The following SHISA9 variants were observed in gnomAD, a reference collection of about 807,000 sequenced individuals.
SHISA9 encodes the protein shisa family member 9, also known as protein shisa-9.
A neutral mutation model predicts 38.0 loss-of-function variants in SHISA9; 13 were observed. That is an observed-to-expected ratio of 0.34 (90% CI 0.22 to 0.54). The LOEUF (loss-of-function observed/expected upper bound fraction) is 0.54. Ranked by LOEUF, SHISA9 falls within the 20% of genes least tolerant of loss-of-function variation. The pLI is 0.91. For synonymous variants in SHISA9, 275 were observed against 242.0 expected (o/e 1.14, Z -1.27); for missense variants, 538 against 575.8 (o/e 0.93, Z 0.67).
chr16:12,934,899 G>T (rs765630061), intron 2 of SHISA9, among the ~76,000 whole-genome samples: 1 of 152,134 alleles, frequency 6.6e-6, no homozygotes, highest in Non-Finnish European at 1.5e-5. Flanking sequence ...GAAGAATATG[G>T]GTTGGCTCAT....
the SHISA9 span, among the ~76,000 whole-genome samples, chr16:13,543,663 G>A: frequency 3.3e-5 from 5 of 152,100 alleles, no homozygotes; most frequent in Admixed American, 6.5e-5. Context: ...CACCAGGGCC[G>A]CAGAAGCCCA....
chr16:12,971,763 G>C (rs189582178), intron 2 of SHISA9, among the ~76,000 whole-genome samples: 21 of 152,266 alleles, frequency 1.4e-4, no homozygotes, highest in African/African-American at 2.4e-5. Flanking sequence ...AGCAGCCAAA[G>C]TAAGGAAAAT....
intron 2 of SHISA9, among the ~76,000 whole-genome samples, chr16:13,005,427 G>A (rs1048229582): frequency 1.4e-4 from 21 of 152,130 alleles, no homozygotes; most frequent in Non-Finnish European, 2.9e-4. Flanking sequence ...AATACCGTAG[G>A]GATGCATGCT....
At chr16:13,316,738 C>CAAT in the SHISA9 span, among the ~76,000 whole-genome samples, 1 of 152,100 alleles carries the variant, frequency 6.6e-6, no homozygotes, top group Non-Finnish European at 1.5e-5. Flanking sequence ...AAGAGTAATT[C>CAAT]AATATAGTGT....
chr16:13,122,609 A>G (rs1327712115), intron 2 of SHISA9, among the ~76,000 whole-genome samples: 1 of 152,236 alleles, frequency 6.6e-6, no homozygotes, highest in African/African-American at 2.4e-5. Context: ...ACAGGCAAGC[A>G]TAATTATTGG....
At chr16:13,221,523 G>A (rs1158666201) in intron 4 of SHISA9, among the ~76,000 whole-genome samples, 6 of 150,236 alleles carry the variant, frequency 4.0e-5, no homozygotes, top group African/African-American at 1.2e-4. Flanking sequence ...AGCAGAGACC[G>A]AGAAAACGGT....
intron 2 of SHISA9, among the ~76,000 whole-genome samples, chr16:12,959,244 G>C (rs561536443): frequency 6.6e-6 from 1 of 152,338 alleles, no homozygotes; most frequent in South Asian, 2.1e-4. Context: ...AAAAAGGAAT[G>C]GAATGCAAGA....
intron 2 of SHISA9, among the ~76,000 whole-genome samples, chr16:12,993,255 G>T (rs1374404264): frequency 2.0e-5 from 3 of 152,132 alleles, no homozygotes; most frequent in Non-Finnish European, 4.4e-5. Context: ...GGGTTTGGTT[G>T]TAAAGAACAG....
the SHISA9 span, among the ~76,000 whole-genome samples, chr16:13,448,194 G>A: frequency 2.4e-4 from 37 of 152,280 alleles, no homozygotes; most frequent in African/African-American, 8.7e-4. Context: ...ATTTTCATTG[G>A]AGTGCTTTCC....
At chr16:13,338,543 G>A in the SHISA9 span, among the ~76,000 whole-genome samples, 1 of 152,140 alleles carries the variant, frequency 6.6e-6, no homozygotes, top group Non-Finnish European at 1.5e-5. Flanking sequence ...AGCCAGTGAA[G>A]GGTTTGGGAG....
chr16:13,180,855 T>C (rs1174191202), intron 2 of SHISA9, among the ~76,000 whole-genome samples: 1 of 152,168 alleles, frequency 6.6e-6, no homozygotes, highest in East Asian at 1.9e-4. Context: ...TGGGGGACAG[T>C]CTCCTTTCCA....
intron 2 of SHISA9, among the ~76,000 whole-genome samples, chr16:13,092,416 C>A (rs979277634): frequency 6.6e-5 from 10 of 152,212 alleles, no homozygotes; most frequent in African/African-American, 2.4e-4. Flanking sequence ...TTCAGCTATG[C>A]CCTGCCCACA....
Position 12,902,631 on chromosome 16 carries a change from G to C in SHISA9, c.563+4G>C. The C allele has an allele frequency of 6.5e-7, 1 of 1,539,154 alleles. No individual in the cohort carries two copies. ...CCCAAAGGGAGCACATGTCCAGGTG[G>C]GCTGCCTCCCCTTCGCCCTCCCCTC... On this transcript the variant is annotated splice_donor_region_variant and intron_variant, in intron 1 of 4. Coordinates refer to ENST00000558583, the MANE Select transcript of SHISA9 (RefSeq NM_001145204.3).
At chr16:13,506,900 G>A in the SHISA9 span, among the ~76,000 whole-genome samples, 52 of 152,008 alleles carry the variant, frequency 3.4e-4, no homozygotes, top group African/African-American at 1.0e-3. Context: ...AAAATTAGCC[G>A]GGCATGGTGG....
At chr16:13,299,716 A>C in the SHISA9 span, among the ~76,000 whole-genome samples, 1 of 151,904 alleles carries the variant, frequency 6.6e-6, no homozygotes, top group East Asian at 1.9e-4. Flanking sequence ...CTGTCAAAAA[A>C]AAAAAAAACA....
At chr16:13,049,372 T>G (rs924508528) in intron 2 of SHISA9, among the ~76,000 whole-genome samples, 3 of 152,188 alleles carry the variant, frequency 2.0e-5, no homozygotes, top group Non-Finnish European at 4.4e-5. Context: ...ATTGTAAGAT[T>G]GTCTATCAGG....
chr16:13,424,133 G>A, the SHISA9 span, among the ~76,000 whole-genome samples: 1 of 152,228 alleles, frequency 6.6e-6, no homozygotes, highest in Non-Finnish European at 1.5e-5. Flanking sequence ...GTATGTACAG[G>A]AAGGGCAGGA....
intron 2 of SHISA9, among the ~76,000 whole-genome samples, chr16:13,122,356 A>G (rs945457858): frequency 1.2e-4 from 18 of 152,182 alleles, no homozygotes; most frequent in Non-Finnish European, 2.1e-4. Context: ...TGCCTCTGGC[A>G]AGCAGTTATC....
At chr16:13,369,257 G>A in the SHISA9 span, among the ~76,000 whole-genome samples, 48 of 152,138 alleles carry the variant, frequency 3.2e-4, no homozygotes, top group East Asian at 8.1e-3. Flanking sequence ...GCTAATTTCA[G>A]AGTAGTTGTC....
Sources: gnomAD v4.1 joint callset for allele counts (sites outside exome capture counted in the v4.1 genomes callset) on GRCh38, gnomAD v4.1.1 for gene constraint, MANE v1.5 for transcripts, NCBI Gene and HGNC (gene_info 2026-07-23, HGNC 2026-07-21) for gene names.